Variants in RFX8 observed in about 807,000 individuals in gnomAD.
RFX8 encodes regulatory factor X8, also known as DNA-binding protein RFX8.
A neutral mutation model predicts 54.6 loss-of-function variants in RFX8; 46 were observed. The ratio of observed to expected loss-of-function variants is 0.84; its 90% CI spans 0.67 to 1.08. The LOEUF (loss-of-function observed/expected upper bound fraction) is 1.08. Ranked by LOEUF, RFX8 falls within the 50% of genes least tolerant of loss-of-function variation. The probability of loss-of-function intolerance (pLI) is 0.00; values close to 1 mark genes in which losing one functional copy is unlikely to be tolerated. For missense variants in RFX8, 536 were observed against 562.3 expected, an observed-to-expected ratio of 0.95 and a Z score of 0.47; for synonymous variants, 192 against 209.5, an observed-to-expected ratio of 0.92 and a Z score of 0.72.
intron 10 of RFX8, 101 bp from the exon 11 acceptor site, chr2:101,402,853 G>A (rs1055717275): frequency 3.8e-6 from 4 of 1,061,494 alleles, no homozygotes; most frequent in Admixed American, 5.0e-5. Context: ...ACCTGTGTAC[G>A]TGAGCCTCGT....
chr2:101,455,638 G>A (rs1688926091), intron 2 of RFX8, among the ~76,000 whole-genome samples: 1 of 152,196 alleles, frequency 6.6e-6, no homozygotes, highest in Non-Finnish European at 1.5e-5. Context: ...ATAGTTTGAA[G>A]TCAGGTAGTG....
At chr2:101,413,779 A>G (rs1686312054) in intron 7 of RFX8, among the ~76,000 whole-genome samples, 1 of 152,150 alleles carries the variant, frequency 6.6e-6, no homozygotes, top group Non-Finnish European at 1.5e-5. Context: ...GGTCATTTCC[A>G]GACTGACCGA....
rs189739162 is a variant in RFX8 at position 101,416,714 on chromosome 2, A to G, written c.502+820T>C. Among the ~76,000 whole-genome samples, 393 of 152,302 alleles carry G rather than the reference A, an allele frequency of 2.6e-3. 9 individuals carry two copies. Among genetic ancestry groups the G allele is most frequent in the Non-Finnish European group, 5.9e-4 (40 of 68,032 alleles). On this transcript the variant is annotated intron_variant, in intron 6 of 11. Coordinates refer to ENST00000428343, the MANE Select transcript of RFX8 (RefSeq NM_001145664.2). ...TATTTCCAGGATGATCCGACAGGGCATGGCAGGTGCAGGCTGGCCTTTGAA... is the reference window on the plus strand; with the variant it reads ...TATTTCCAGGATGATCCGACAGGGCGTGGCAGGTGCAGGCTGGCCTTTGAA...
At chr2:101,450,705 A>C in intron 2 of RFX8, 1 of 1,200,934 alleles carries the variant, frequency 8.3e-7, no homozygotes, top group Admixed American at 2.0e-5. Context: ...GTTGTCTTTA[A>C]ATTTATGTCT....
At chr2:101,456,874 A>G (rs1172358860) in intron 2 of RFX8, among the ~76,000 whole-genome samples, 1 of 152,108 alleles carries the variant, frequency 6.6e-6, no homozygotes, top group Non-Finnish European at 1.5e-5. Flanking sequence ...GCCAATAATT[A>G]TTGCCTCAAT....
At chr2:101,426,363 A>C (rs1687168840) in intron 2 of RFX8, among the ~76,000 whole-genome samples, 1 of 151,974 alleles carries the variant, frequency 6.6e-6, no homozygotes. Flanking sequence ...ACAAAAACAC[A>C]AAAAACATTT....
At chr2:101,408,682 A>G (rs141003709) in intron 9 of RFX8, among the ~76,000 whole-genome samples, 1 of 152,352 alleles carries the variant, frequency 6.6e-6, no homozygotes, top group East Asian at 1.9e-4. Context: ...CAGGAGGAAT[A>G]AAAACCATAC....
intron 11 of RFX8, 40 bp from the exon 12 acceptor site, chr2:101,397,764 GAC>G: frequency 6.7e-7 from 1 of 1,491,158 alleles, no homozygotes; most frequent in Non-Finnish European, 9.0e-7. Flanking sequence ...GATAAAAAGA[GAC>G]AGATACTATT....
chr2:101,413,056 A>G lies in RFX8; in HGVS notation c.577T>C (p.Leu193=), dbSNP rs868537468. 1 of 1,552,046 alleles carries G rather than the reference A, an allele frequency of 6.4e-7. No individual in the cohort carries two copies. The highest frequency in any genetic ancestry group is 1.7e-4 in the Middle Eastern group (1 of 5,994). ...ACGCTGACACGCCTCTTACTTTTCA[A>G]TACCATTCGCATAGTCTAAAGATAA... ...SNMAKTMRMV[L]KSKRRVSVLK... Residue 193 remains leucine (L), a synonymous_variant, in exon 8 of 12, where the codon TTG becomes CTG. Transcript: ENST00000428343.
At chr2:101,426,278 T>C (rs767144886) in intron 2 of RFX8, among the ~76,000 whole-genome samples, 1 of 152,110 alleles carries the variant, frequency 6.6e-6, no homozygotes, top group Non-Finnish European at 1.5e-5. Flanking sequence ...GGCAGGACGA[T>C]TGCCTCGGGC....
chr2:101,418,002 A>T (rs1029049894), intron 5 of RFX8, among the ~76,000 whole-genome samples: 1 of 151,918 alleles, frequency 6.6e-6, no homozygotes. Context: ...GCGATTCCCT[A>T]CCTCAGCCTC....
At chr2:101,453,333 A>T (rs531883572) in intron 2 of RFX8, among the ~76,000 whole-genome samples, 2 of 151,480 alleles carry the variant, frequency 1.3e-5, no homozygotes, top group South Asian at 4.2e-4. Flanking sequence ...ACTTGGAGAA[A>T]ATGCCATTTA....
rs563967711 is a variant in RFX8, at chr2:101,454,639, G to C, written c.72+12138C>G. Among the ~76,000 whole-genome samples the C allele has an allele frequency of 2.5e-3, 386 of 152,292 alleles. 4 individuals are homozygous for C. The highest frequency in any genetic ancestry group is 8.9e-3 in the African/African-American group (370 of 41,550). On this transcript the variant is annotated intron_variant, in intron 2 of 11. Transcript: ENST00000428343. ...TTGTGGTTTTGATTTGCATTTCTCT[G>C]ATAACCAGTGATGATGAGCATTTTT...
At chr2:101,443,048 T>C (rs992413410) in intron 2 of RFX8, among the ~76,000 whole-genome samples, 9 of 152,048 alleles carry the variant, frequency 5.9e-5, no homozygotes, top group Non-Finnish European at 8.8e-5. Flanking sequence ...CCCCCAAAAT[T>C]ATTTTGCCTG....
intron 5 of RFX8, among the ~76,000 whole-genome samples, chr2:101,418,547 A>G (rs1346197048): frequency 1.3e-5 from 2 of 152,234 alleles, no homozygotes; most frequent in African/African-American, 4.8e-5. Context: ...TACAATTCCA[A>G]TTATTCATTT....
At chr2:101,420,481 T>G (rs1028988749) in intron 4 of RFX8, among the ~76,000 whole-genome samples, 2 of 151,310 alleles carry the variant, frequency 1.3e-5, no homozygotes, top group East Asian at 3.9e-4. Flanking sequence ...GAGGTGGAGG[T>G]ACAGTGAGCC....
intron 10 of RFX8, 103 bp from the exon 11 acceptor site, chr2:101,402,855 G>A: frequency 9.5e-7 from 1 of 1,054,416 alleles, no homozygotes; most frequent in Non-Finnish European, 1.4e-6. Flanking sequence ...CTGTGTACGT[G>A]AGCCTCGTTC....
intron 6 of RFX8, among the ~76,000 whole-genome samples, chr2:101,415,618 AACGC>A (rs943040504): frequency 1.8e-3 from 26 of 14,176 alleles, no homozygotes; most frequent in Non-Finnish European, 6.6e-3. Context: ...TCTCCTCTTG[AACGC>A]ATTCATTCAT....
At chr2:101,436,882 A>G (rs1215580998) in intron 2 of RFX8, among the ~76,000 whole-genome samples, 4 of 152,136 alleles carry the variant, frequency 2.6e-5, no homozygotes, top group African/African-American at 9.7e-5. Flanking sequence ...CCAGAGGAAA[A>G]GCAACTGTGT....
Sources: allele counts gnomAD v4.1 joint callset (sites outside exome capture counted in the v4.1 genomes callset), GRCh38; gene constraint gnomAD v4.1.1; transcripts MANE v1.5; gene names NCBI Gene and HGNC (gene_info 2026-07-23, HGNC 2026-07-21).